Variants in ENPP2 observed in about 807,000 individuals in gnomAD.
ENPP2 encodes autotaxin.
Under a neutral mutation model 120.2 loss-of-function variants are expected in ENPP2, and 51 were observed. That is an observed-to-expected ratio of 0.42 (90% CI 0.34 to 0.54). ENPP2 has a LOEUF of 0.54. Ranked by LOEUF, ENPP2 falls within the 20% of genes least tolerant of loss-of-function variation. The pLI, the probability that ENPP2 is intolerant of heterozygous loss-of-function variation, is 0.04. For synonymous variants in ENPP2, 365 were observed against 366.4 expected (o/e 1.00, Z 0.04); for missense variants, 920 against 1,066.5 (o/e 0.86, Z 1.91).
intron 3 of ENPP2, among the ~76,000 whole-genome samples, chr8:119,624,369 AT>A (rs1231444512): frequency 6.6e-5 from 10 of 152,312 alleles, no homozygotes; most frequent in South Asian, 2.1e-4. Flanking sequence ...TTTTAAAAAT[AT>A]TTTTAAAAAT....
At chr8:119,567,336 G>A (rs947884247) in intron 22 of ENPP2, among the ~76,000 whole-genome samples, 4 of 152,176 alleles carry the variant, frequency 2.6e-5, no homozygotes, top group Admixed American at 1.3e-4. Context: ...AACAAAAAAT[G>A]CAGTGCTTTC....
At chr8:119,609,648 G>A (rs765374798) in intron 8 of ENPP2, among the ~76,000 whole-genome samples, 1 of 152,066 alleles carries the variant, frequency 6.6e-6, no homozygotes, top group Admixed American at 6.5e-5. Context: ...TGAAGTGCTG[G>A]ACACACTATA....
intron 11 of ENPP2, among the ~76,000 whole-genome samples, chr8:119,596,828 G>T (rs1296434606): frequency 6.6e-6 from 1 of 152,172 alleles, no homozygotes; most frequent in Non-Finnish European, 1.5e-5. Context: ...CATGCTATGG[G>T]TTTTGTTTTG....
At chr8:119,669,644 C>T (rs1424226772) in intron 1 of ENPP2, among the ~76,000 whole-genome samples, 1 of 152,216 alleles carries the variant, frequency 6.6e-6, no homozygotes, top group African/African-American at 2.4e-5. Context: ...AGATTCCTAA[C>T]TGGAGGTTCA....
In ENPP2 at chr8:119,592,329, C is replaced by G. The variant is rs181593788; in HGVS notation, c.1081+1423G>C. Among the ~76,000 whole-genome samples the G allele has an allele frequency of 3.8e-3, 584 of 151,968 alleles. 4 individuals carry two copies. The highest frequency in any genetic ancestry group is 0.013 in the African/African-American group (548 of 41,464). On this transcript the variant is annotated intron_variant, in intron 12 of 24. Coordinates refer to ENST00000075322, the MANE Select transcript of ENPP2 (RefSeq NM_001040092.3). The stretch of plus-strand genomic sequence containing the variant: ...GTCTACTAAAAATACAAAATTTAGC[C>G]GGGCCTGGTGGCAGGTGCCTGTAAT...
At chr8:119,673,317 G>A (rs1457120120) in exon 1 of ENPP2, 2 of 1,533,514 alleles carry the variant, frequency 1.3e-6, no homozygotes, top group Admixed American at 3.9e-5. Context: ...CGCTGCGGAC[G>A]CGGCCTGGGC....
At chr8:119,671,689 G>A (rs893497501) in intron 1 of ENPP2, among the ~76,000 whole-genome samples, 1 of 152,176 alleles carries the variant, frequency 6.6e-6, no homozygotes, top group South Asian at 2.1e-4. Context: ...GTGCTCTATG[G>A]AACATCAAAG....
intron 8 of ENPP2, among the ~76,000 whole-genome samples, chr8:119,613,613 A>G (rs958631678): frequency 1.3e-5 from 2 of 152,176 alleles, no homozygotes; most frequent in African/African-American, 4.8e-5. Flanking sequence ...TTCACTGGTG[A>G]TTTTAAAACG....
intron 12 of ENPP2, among the ~76,000 whole-genome samples, chr8:119,590,962 T>A (rs1487947568): frequency 7.3e-6 from 1 of 136,548 alleles, no homozygotes; most frequent in South Asian, 2.4e-4. Flanking sequence ...AACATAACTA[T>A]TGACAGAGTC....
rs531424694 is a variant in ENPP2, at chr8:119,661,782, C to T, written c.21+11470G>A. On this transcript the variant is annotated intron_variant, in intron 1 of 25. Coordinates refer to the ENPP2 transcript ENST00000427067. ...TGGAATCAAGTTAAGTGTCCATCAA[C>T]AGATGAATTGATAAAGAAAATGTGG... Among the ~76,000 whole-genome samples the T allele has an allele frequency of 1.2e-4, 19 of 152,176 alleles. No homozygotes were observed. In the East Asian group the frequency reaches 3.3e-3, roughly 26 times the overall value.
At chr8:119,592,500 A>C (rs1813588941) in intron 12 of ENPP2, among the ~76,000 whole-genome samples, 1 of 150,632 alleles carries the variant, frequency 6.6e-6, no homozygotes, top group Non-Finnish European at 1.5e-5. Context: ...AAAAAAAAGA[A>C]GAAGAAGAAG....
At chr8:119,579,774 C>T (rs1338412786) in intron 19 of ENPP2, among the ~76,000 whole-genome samples, 1 of 152,030 alleles carries the variant, frequency 6.6e-6, no homozygotes, top group South Asian at 2.1e-4. Context: ...TCAGGATAGG[C>T]ACCAGCTGCT....
rs1159308872 is a variant in ENPP2 at position 119,582,402 on chromosome 8, T to C, written c.1728+16A>G. The C allele has an allele frequency of 4.4e-6, 7 of 1,606,654 alleles. No homozygotes were observed. The highest frequency in any genetic ancestry group is 1.7e-4 in the Middle Eastern group (1 of 6,050). On this transcript the variant is annotated intron_variant, in intron 18 of 24. Transcript: ENST00000075322. Reference sequence around the variant, plus strand: ...CCAACAAACTTCTCCATAATAAACATAAAGATTATTTCTACCTTTGGCTCT... The same window carrying C: ...CCAACAAACTTCTCCATAATAAACACAAAGATTATTTCTACCTTTGGCTCT...
At chr8:119,610,747 C>CA (rs954761323) in intron 8 of ENPP2, among the ~76,000 whole-genome samples, 6 of 151,738 alleles carry the variant, frequency 4.0e-5, no homozygotes, top group African/African-American at 1.2e-4. Flanking sequence ...ACTAAAGATA[C>CA]AAAAAACCAG....
intron 8 of ENPP2, among the ~76,000 whole-genome samples, chr8:119,611,082 T>C (rs1563731031): frequency 6.6e-6 from 1 of 152,164 alleles, no homozygotes; most frequent in Non-Finnish European, 1.5e-5. Context: ...TGACATTGTA[T>C]CTTGTGATGT....
chr8:119,658,769 T>C (rs1224234043), intron 1 of ENPP2, among the ~76,000 whole-genome samples: 1 of 152,154 alleles, frequency 6.6e-6, no homozygotes, highest in Non-Finnish European at 1.5e-5. Flanking sequence ...ACCAAGTCTA[T>C]GTCCCTCCCA....
intron 24 of ENPP2, among the ~76,000 whole-genome samples, chr8:119,561,997 C>T (rs755798507): frequency 3.3e-5 from 5 of 151,958 alleles, no homozygotes; most frequent in Non-Finnish European, 5.9e-5. Context: ...ATTAGCTGTG[C>T]GTGGTGGTGG....
At chr8:119,573,326 G>A (rs1319349618) in intron 19 of ENPP2, among the ~76,000 whole-genome samples, 2 of 149,572 alleles carry the variant, frequency 1.3e-5, no homozygotes, top group Non-Finnish European at 3.0e-5. Flanking sequence ...AGAATCGCTT[G>A]AACCCAGGAT....
chr8:119,588,349 G>A (rs1158343029), intron 13 of ENPP2, among the ~76,000 whole-genome samples: 1 of 151,840 alleles, frequency 6.6e-6, no homozygotes, highest in African/African-American at 2.4e-5. Flanking sequence ...CTAACATGGT[G>A]AAATCCCGTC....
Sources: allele counts gnomAD v4.1 joint callset (sites outside exome capture counted in the v4.1 genomes callset), GRCh38; gene constraint gnomAD v4.1.1; transcripts MANE v1.5; gene names NCBI Gene and HGNC (gene_info 2026-07-23, HGNC 2026-07-21).